Variants in UTS2B observed in about 807,000 individuals in gnomAD.
The protein encoded by UTS2B is urotensin-2B.
In UTS2B, 21 loss-of-function variants were observed where a neutral mutation model predicts 19.2. The observed-to-expected ratio is 1.09, with a 90% CI of 0.78 to 1.58. The LOEUF (loss-of-function observed/expected upper bound fraction) is 1.58. UTS2B is among the 40% of genes most tolerant of loss of function. The probability of loss-of-function intolerance (pLI) is 0.00; values close to 1 mark genes in which losing one functional copy is unlikely to be tolerated. For missense variants in UTS2B, 138 were observed against 130.3 expected, an observed-to-expected ratio of 1.06 and a Z score of -0.29; for synonymous variants, 57 against 50.2, an observed-to-expected ratio of 1.14 and a Z score of -0.58.
intron 3 of UTS2B, among the ~76,000 whole-genome samples, chr3:191,314,825 C>T (rs1306669829): frequency 6.6e-6 from 1 of 152,166 alleles, no homozygotes; most frequent in Non-Finnish European, 1.5e-5. Context: ...CAGAGAGCTT[C>T]TGGATAGCTG....
chr3:191,267,848 C>T lies in UTS2B; in HGVS notation c.*568G>A, dbSNP rs1715980610. ...TTCTAACAGAGCCTTAAAACAGAAA[C>T]ACAATCTTTCCATAACCTATGATTA... is the stretch of plus-strand genomic sequence containing the variant. On this transcript the variant is annotated 3_prime_UTR_variant, in exon 9 of 9. Coordinates refer to ENST00000340524, the MANE Select transcript of UTS2B (RefSeq NM_198152.5). 1 of 152,280 alleles carries T rather than the reference C, an allele frequency of 6.6e-6. No homozygotes were observed. The highest frequency in any genetic ancestry group is 2.1e-4 in the South Asian group (1 of 4,822). The allele number at this position is 152,280 out of a possible 1,614,324, so 9.4% of individuals were successfully genotyped here. A position where few individuals can be genotyped will look rare whatever the true frequency, so the allele number is the denominator to read the frequency against.
rs1716185847 is a variant in UTS2B, at chr3:191,274,811, G to A, written c.334+441C>T. 2.0e-5 allele frequency among the ~76,000 whole-genome samples: 3 copies of A among 152,104 alleles called. No homozygotes were observed. The South Asian group carries it at 6.2e-4, about 32-fold the overall frequency. On this transcript the variant is annotated intron_variant, in intron 8 of 8. Transcript: ENST00000340524. The stretch of plus-strand genomic sequence containing the variant: ...ATTTCCTAGGAAAAATTATCCAAAA[G>A]CATAATCCAAAAAAGTAATCTTTCT...
upstream of UTS2B, among the ~76,000 whole-genome samples, chr3:191,333,648 G>A (rs1274299070): frequency 1.3e-5 from 2 of 152,104 alleles, no homozygotes; most frequent in African/African-American, 4.8e-5. Flanking sequence ...TGTCTTTTAT[G>A]TAATCAGCAA....
chr3:191,342,609 A>G, the UTS2B span, among the ~76,000 whole-genome samples: 1 of 152,106 alleles, frequency 6.6e-6, no homozygotes, highest in Admixed American at 6.6e-5. Context: ...GGCTGGGTTT[A>G]TCCTACAGAG....
chr3:191,327,664 T>A (rs1260719732), intron 2 of UTS2B, among the ~76,000 whole-genome samples: 1 of 152,194 alleles, frequency 6.6e-6, no homozygotes, highest in Non-Finnish European at 1.5e-5. Context: ...CTGCCAGTGC[T>A]TCCCATTGGT....
chr3:191,279,641 A>G (rs567585209), intron 5 of UTS2B, among the ~76,000 whole-genome samples: 1 of 152,064 alleles, frequency 6.6e-6, no homozygotes, highest in African/African-American at 2.4e-5. Flanking sequence ...TAAGTGAAAC[A>G]TTTTTCAAAA....
chr3:191,311,160 C>T (rs1159572514), intron 3 of UTS2B, among the ~76,000 whole-genome samples: 1 of 152,256 alleles, frequency 6.6e-6, no homozygotes, highest in Admixed American at 6.5e-5. Flanking sequence ...CCTTCCTCAC[C>T]AGGTGGCTCA....
At chr3:191,275,894 C>T (rs973504395) in intron 7 of UTS2B, among the ~76,000 whole-genome samples, 1 of 152,042 alleles carries the variant, frequency 6.6e-6, no homozygotes, top group Non-Finnish European at 1.5e-5. Flanking sequence ...CATGACTCAA[C>T]AAAAGATCAG....
intron 8 of UTS2B, among the ~76,000 whole-genome samples, chr3:191,273,122 C>T (rs1403173556): frequency 1.3e-5 from 2 of 152,096 alleles, no homozygotes; most frequent in African/African-American, 2.4e-5. Context: ...GAGCCGAGAT[C>T]GCACCACTGC....
At chr3:191,337,197 A>G in the UTS2B span, among the ~76,000 whole-genome samples, 49 of 152,050 alleles carry the variant, frequency 3.2e-4, 1 homozygote, top group African/African-American at 1.1e-3. Flanking sequence ...TTTTGGAGCC[A>G]TTTTCAATGA....
chr3:191,273,338 G>T, intron 8 of UTS2B: 1 of 386,812 alleles, frequency 2.6e-6, no homozygotes. Context: ...GACTATGATA[G>T]AGGCAGTGCT....
At chr3:191,337,596 G>A in the UTS2B span, among the ~76,000 whole-genome samples, 3 of 151,792 alleles carry the variant, frequency 2.0e-5, no homozygotes, top group African/African-American at 7.3e-5. Context: ...GCCCATCTCG[G>A]CCTCCCAAAG....
At chr3:191,323,877 A>T (rs1576938255) in intron 2 of UTS2B, among the ~76,000 whole-genome samples, 1 of 152,214 alleles carries the variant, frequency 6.6e-6, no homozygotes, top group South Asian at 2.1e-4. Context: ...GGTACTTGGA[A>T]GACATTTGAA....
intron 2 of UTS2B, among the ~76,000 whole-genome samples, 197 bp from the exon 3 acceptor site, chr3:191,316,636 T>C (rs1036353370): frequency 2.0e-5 from 3 of 152,220 alleles, no homozygotes; most frequent in Admixed American, 2.0e-4. Flanking sequence ...CCGATTCGTG[T>C]GTTTACAATC....
At chr3:191,287,778 A>C (rs1716597431) in intron 4 of UTS2B, among the ~76,000 whole-genome samples, 1 of 152,128 alleles carries the variant, frequency 6.6e-6, no homozygotes, top group Non-Finnish European at 1.5e-5. Context: ...AAAAGAAAGA[A>C]AGAAAAGGTA....
At chr3:191,343,780 A>G in the UTS2B span, among the ~76,000 whole-genome samples, 8 of 152,224 alleles carry the variant, frequency 5.3e-5, no homozygotes, top group African/African-American at 1.4e-4. Flanking sequence ...TACTTCAGTA[A>G]GTGCTTGGTA....
At chr3:191,289,679 C>T (rs1716661421) in intron 4 of UTS2B, among the ~76,000 whole-genome samples, 1 of 151,810 alleles carries the variant, frequency 6.6e-6, no homozygotes, top group Non-Finnish European at 1.5e-5. Flanking sequence ...ATAAAACAGA[C>T]ACAGAAGGAC....
At chr3:191,320,138 A>AT (rs1460542139) in intron 2 of UTS2B, among the ~76,000 whole-genome samples, 16 of 149,966 alleles carry the variant, frequency 1.1e-4, no homozygotes. Flanking sequence ...TGACCTGGAG[A>AT]TAAAAAAAAA....
intron 3 of UTS2B, among the ~76,000 whole-genome samples, chr3:191,305,953 G>A (rs1717128487): frequency 6.6e-6 from 1 of 152,164 alleles, no homozygotes; most frequent in East Asian, 1.9e-4. Flanking sequence ...GGGGGGTCAG[G>A]TTTGTCAAAG....
Sources: gnomAD v4.1 joint callset for allele counts (sites outside exome capture counted in the v4.1 genomes callset) on GRCh38, gnomAD v4.1.1 for gene constraint, MANE v1.5 for transcripts, NCBI Gene and HGNC (gene_info 2026-07-23, HGNC 2026-07-21) for gene names.